ANKRD45: variants seen among roughly 807,000 people sequenced by gnomAD.
ANKRD45 encodes ankyrin repeat domain 45.
Under a neutral mutation model 28.1 loss-of-function variants are expected in ANKRD45, and 21 were observed. That is an observed-to-expected ratio of 0.75 (90% confidence interval 0.53 to 1.08). ANKRD45 has a LOEUF of 1.08. Among genes scored for constraint, ANKRD45 ranks in the 50% least tolerant of loss-of-function variants. The pLI, the probability that ANKRD45 is intolerant of heterozygous loss-of-function variation, is 0.00. For synonymous variants in ANKRD45, 86 were observed against 103.9 expected (o/e 0.83, Z 1.05); for missense variants, 261 against 308.7 (o/e 0.85, Z 1.16).
At chr1:173,701,308 C>G in the ANKRD45 span, among the ~76,000 whole-genome samples, 3 of 152,200 alleles carry the variant, frequency 2.0e-5, no homozygotes, top group Non-Finnish European at 4.4e-5. Flanking sequence ...ACCCAGGGAT[C>G]CCATTACTGG....
intron 2 of ANKRD45, among the ~76,000 whole-genome samples, chr1:173,648,658 A>G (rs1669039864): frequency 6.6e-6 from 1 of 152,210 alleles, no homozygotes; most frequent in South Asian, 2.1e-4. Context: ...GAAATAGAAT[A>G]TTTTAGAGTG....
the ANKRD45 span, among the ~76,000 whole-genome samples, chr1:173,709,062 C>T: frequency 6.6e-6 from 1 of 152,220 alleles, no homozygotes; most frequent in Non-Finnish European, 1.5e-5. Flanking sequence ...TTGTGTCATG[C>T]CACTCTCCCA....
At chr1:173,637,768 T>C (rs1164849845) in intron 3 of ANKRD45, among the ~76,000 whole-genome samples, 1 of 152,210 alleles carries the variant, frequency 6.6e-6, no homozygotes, top group Non-Finnish European at 1.5e-5. Flanking sequence ...CTAGCCTTGC[T>C]GAGAGATCCT....
upstream of ANKRD45, among the ~76,000 whole-genome samples, chr1:173,671,586 T>TA (rs1670261021): frequency 6.6e-6 from 1 of 151,704 alleles, no homozygotes. Context: ...TATAAAACCC[T>TA]AAGGCCGGGC....
the ANKRD45 span, among the ~76,000 whole-genome samples, chr1:173,681,469 G>A: frequency 6.6e-6 from 1 of 151,838 alleles, no homozygotes; most frequent in African/African-American, 2.4e-5. Flanking sequence ...TTCTTAAGCC[G>A]ATTAGAGCTC....
upstream of ANKRD45, among the ~76,000 whole-genome samples, chr1:173,674,161 C>T (rs181372384): frequency 2.6e-5 from 4 of 152,242 alleles, no homozygotes; most frequent in East Asian, 5.8e-4. Flanking sequence ...AGGCACCCAC[C>T]ACCATGCCCA....
At chr1:173,640,514 T>C (rs1668653546) in intron 3 of ANKRD45, among the ~76,000 whole-genome samples, 1 of 152,208 alleles carries the variant, frequency 6.6e-6, no homozygotes, top group Admixed American at 6.5e-5. Flanking sequence ...CAAGTTGAAG[T>C]TAAAGAAAGC....
chr1:173,662,341 G>C (rs992369221), intron 1 of ANKRD45, among the ~76,000 whole-genome samples: 2 of 152,130 alleles, frequency 1.3e-5, no homozygotes, highest in African/African-American at 4.8e-5. Context: ...ATTTTAAATT[G>C]GTAGAATATT....
chr1:173,647,268 C>T (rs1357983478), intron 2 of ANKRD45, among the ~76,000 whole-genome samples: 1 of 152,188 alleles, frequency 6.6e-6, no homozygotes, highest in African/African-American at 2.4e-5. Flanking sequence ...GGAAACATCC[C>T]TGGCAAACAG....
chr1:173,694,997 T>C, the ANKRD45 span, among the ~76,000 whole-genome samples: 139 of 152,334 alleles, frequency 9.1e-4, 1 homozygote, highest in Non-Finnish European at 2.6e-4. Flanking sequence ...CAAATCATTT[T>C]AATAATATGA....
At chr1:173,647,053 C>T (rs1036471215) in intron 2 of ANKRD45, 40 bp from the exon 3 acceptor site, 3 of 1,585,352 alleles carry the variant, frequency 1.9e-6, no homozygotes, top group Non-Finnish European at 2.6e-6. Context: ...AAACAGACTA[C>T]ATTGTTTTAG....
intron 1 of ANKRD45, among the ~76,000 whole-genome samples, chr1:173,663,232 C>T (rs1238393413): frequency 6.6e-6 from 1 of 152,144 alleles, no homozygotes; most frequent in East Asian, 1.9e-4. Flanking sequence ...ATTATTTAAG[C>T]TCAGCCCATC....
chr1:173,617,916 C>T (rs1320268696), intron 5 of ANKRD45, among the ~76,000 whole-genome samples: 1 of 152,164 alleles, frequency 6.6e-6, no homozygotes, highest in East Asian at 1.9e-4. Context: ...ACAAAGCTCC[C>T]AAAGAAAAGA....
chr1:173,619,827 C>CAAA (rs112235355), intron 5 of ANKRD45, among the ~76,000 whole-genome samples: 1 of 90,698 alleles, frequency 1.1e-5, no homozygotes, highest in Non-Finnish European at 2.4e-5. Context: ...GACTCCATCT[C>CAAA]AAAAAAAAAA....
chr1:173,672,728 G>A (rs567323820), upstream of ANKRD45, among the ~76,000 whole-genome samples: 1 of 152,292 alleles, frequency 6.6e-6, no homozygotes, highest in Admixed American at 6.5e-5. Context: ...ACAGACAGGA[G>A]ATTCATGGCA....
chr1:173,610,754 C>G (rs1382308192), intron 5 of ANKRD45, among the ~76,000 whole-genome samples: 1 of 151,648 alleles, frequency 6.6e-6, no homozygotes, highest in Non-Finnish European at 1.5e-5. Flanking sequence ...CCCAGGAATT[C>G]AAGTTCAGCC....
At chr1:173,627,356 G>C (rs1418012457) in intron 3 of ANKRD45, among the ~76,000 whole-genome samples, 197 bp from the exon 4 acceptor site, 3 of 152,144 alleles carry the variant, frequency 2.0e-5, no homozygotes, top group Non-Finnish European at 2.9e-5. Context: ...ATCATATTAA[G>C]GAAAGAGGCA....
chr1:173,673,546 T>TTATA (rs1670325749), upstream of ANKRD45, among the ~76,000 whole-genome samples: 1 of 152,216 alleles, frequency 6.6e-6, no homozygotes, highest in Non-Finnish European at 1.5e-5. Flanking sequence ...TGAAAGCCTA[T>TTATA]TATATGCTGA....
chr1:173,646,807 A>G lies in ANKRD45; in HGVS notation c.496+39T>C, dbSNP rs748397003. The G allele has an allele frequency of 1.9e-6, 3 of 1,592,390 alleles. No individual in the cohort carries two copies. In the East Asian group the frequency reaches 6.7e-5, roughly 36 times the overall value. On this transcript the variant is annotated intron_variant, in intron 3 of 5. Coordinates refer to ENST00000333279, the MANE Select transcript of ANKRD45 (RefSeq NM_198493.3). ...GTAACTCATAGGAGAAAAACTCATC[A>G]CATCAGTCAGTTTGCTAACCCCTTG...
Sources: gnomAD v4.1 joint callset for allele counts (sites outside exome capture counted in the v4.1 genomes callset) on GRCh38, gnomAD v4.1.1 for gene constraint, MANE v1.5 for transcripts, NCBI Gene and HGNC (gene_info 2026-07-23, HGNC 2026-07-21) for gene names.